Variants in GPC5 observed in about 807,000 individuals in gnomAD.
GPC5 encodes glypican-5.
In GPC5, 47 loss-of-function variants were observed where a neutral mutation model predicts 53.9. The observed-to-expected ratio is 0.87, with a 90% CI of 0.69 to 1.11. The LOEUF (loss-of-function observed/expected upper bound fraction) is 1.11. GPC5 is among the 50% of genes most tolerant of loss of function. The pLI is 0.00. For synonymous variants in GPC5, 286 were observed against 263.3 expected (o/e 1.09, Z -0.84); for missense variants, 748 against 713.1 (o/e 1.05, Z -0.56).
At chr13:92,393,301 A>G (rs1307954751) in intron 7 of GPC5, among the ~76,000 whole-genome samples, 2 of 152,190 alleles carry the variant, frequency 1.3e-5, no homozygotes, top group African/African-American at 2.4e-5. Context: ...TAATACAGGA[A>G]CAGAAAACCA....
chr13:91,838,556 A>C lies in GPC5; in HGVS notation c.1281-69381A>C, dbSNP rs376469890. 2.0e-5 allele frequency among the ~76,000 whole-genome samples: 3 copies of C among 152,094 alleles called. No homozygotes were observed. In the South Asian group the frequency reaches 6.2e-4, roughly 32 times the overall value. ...AAATCAAGGAGAAAAGGGATGAGAG[A>C]AGAACCCAGGGTGCACAGAAGTAGA... is the stretch of plus-strand genomic sequence containing the variant. On this transcript the variant is annotated intron_variant, in intron 5 of 7. Transcript: ENST00000377067.
At chr13:92,479,605 C>T (rs1338771127) in intron 7 of GPC5, among the ~76,000 whole-genome samples, 5 of 152,138 alleles carry the variant, frequency 3.3e-5, no homozygotes, top group African/African-American at 1.2e-4. Flanking sequence ...CCTCCCTGTC[C>T]TCCACCTCCA....
At chr13:92,669,600 C>G (rs1428790989) in intron 7 of GPC5, among the ~76,000 whole-genome samples, 3 of 152,144 alleles carry the variant, frequency 2.0e-5, no homozygotes, top group Non-Finnish European at 4.4e-5. Flanking sequence ...TTTCCTCACA[C>G]CCTAAACCGA....
intron 2 of GPC5, among the ~76,000 whole-genome samples, chr13:91,671,151 G>T (rs1274634434): frequency 6.6e-6 from 1 of 152,094 alleles, no homozygotes; most frequent in Non-Finnish European, 1.5e-5. Flanking sequence ...ATTTGCCTTG[G>T]TTGATATAAT....
chr13:91,655,977 C>T (rs1277462714), intron 2 of GPC5, among the ~76,000 whole-genome samples: 9 of 152,036 alleles, frequency 5.9e-5, no homozygotes, highest in Admixed American at 2.0e-4. Context: ...ACAACAGAGG[C>T]GATGTGCGTA....
chr13:92,603,151 G>C (rs1412367311), intron 7 of GPC5, among the ~76,000 whole-genome samples: 4 of 152,132 alleles, frequency 2.6e-5, no homozygotes, highest in Non-Finnish European at 5.9e-5. Context: ...TGACATAATG[G>C]TATAGTATGG....
intron 7 of GPC5, among the ~76,000 whole-genome samples, chr13:92,432,574 G>A (rs1268542507): frequency 2.7e-5 from 4 of 149,774 alleles, no homozygotes; most frequent in African/African-American, 7.4e-5. Context: ...ACGTGATTTC[G>A]CTGTGTTAGC....
At chr13:91,795,360 T>C (rs2038030545) in intron 5 of GPC5, among the ~76,000 whole-genome samples, 2 of 152,166 alleles carry the variant, frequency 1.3e-5, no homozygotes, top group Admixed American at 1.3e-4. Context: ...AAGCAACAAT[T>C]CCCCTGACTT....
At chr13:92,278,812 A>G (rs1370376332) in intron 7 of GPC5, among the ~76,000 whole-genome samples, 1 of 151,824 alleles carries the variant, frequency 6.6e-6, no homozygotes, top group Admixed American at 6.6e-5. Flanking sequence ...TTGTCTTGAT[A>G]CTCTTGTCAA....
In GPC5 at chr13:91,639,494, C is replaced by T. The variant is rs868569286; in HGVS notation, c.326-53693C>T. Among the ~76,000 whole-genome samples the T allele has an allele frequency of 4.6e-5, 7 of 152,172 alleles. No individual in the cohort carries two copies. In the South Asian group the frequency reaches 8.3e-4, roughly 18 times the overall value. Reference sequence around the variant, plus strand: ...AGATATAGCTTGCTCATGCATTTATCGTAATTGACGTCAAAGAAGTGATAC... The same window carrying T: ...AGATATAGCTTGCTCATGCATTTATTGTAATTGACGTCAAAGAAGTGATAC... On this transcript the variant is annotated intron_variant, in intron 2 of 7. Coordinates refer to ENST00000377067, the MANE Select transcript of GPC5 (RefSeq NM_004466.6).
Position 92,369,143 on chromosome 13 carries a change from A to G in GPC5, c.1561+224154A>G, listed in dbSNP as rs150680659. Among the ~76,000 whole-genome samples, 4 of 152,362 alleles carry G rather than the reference A, an allele frequency of 2.6e-5. No homozygotes were observed. In the East Asian group the frequency reaches 7.7e-4, roughly 29 times the overall value. The stretch of plus-strand genomic sequence containing the variant: ...ACAGTTAAACATCAGCTGTGAATAT[A>G]TCATCAATGCACCTTTAGAACTGTA... On this transcript the variant is annotated intron_variant, in intron 7 of 7. Transcript: ENST00000377067.
intron 3 of GPC5, among the ~76,000 whole-genome samples, chr13:91,711,614 A>C (rs1205362610): frequency 2.0e-5 from 3 of 152,230 alleles, no homozygotes; most frequent in African/African-American, 7.2e-5. Flanking sequence ...ACTAATAAAA[A>C]AGAAATATTG....
At chr13:92,259,188 T>A (rs918820900) in intron 7 of GPC5, among the ~76,000 whole-genome samples, 3 of 152,198 alleles carry the variant, frequency 2.0e-5, no homozygotes, top group African/African-American at 7.2e-5. Flanking sequence ...GTAGGAACCA[T>A]TTACACTTGT....
chr13:91,809,896 CG>C (rs933963537), intron 5 of GPC5, among the ~76,000 whole-genome samples: 1 of 151,866 alleles, frequency 6.6e-6, no homozygotes, highest in African/African-American at 2.4e-5. Flanking sequence ...ATAGTTCATT[CG>C]TTTTTTTGAT....
chr13:92,366,970 C>T (rs917240326), intron 7 of GPC5, among the ~76,000 whole-genome samples: 2 of 152,100 alleles, frequency 1.3e-5, no homozygotes, highest in African/African-American at 2.4e-5. Context: ...ATTATTGTTA[C>T]CTAGGTTTAT....
intron 7 of GPC5, among the ~76,000 whole-genome samples, chr13:92,225,131 A>T (rs2042476113): frequency 6.6e-6 from 1 of 152,080 alleles, no homozygotes; most frequent in Non-Finnish European, 1.5e-5. Flanking sequence ...CCAGGATGAA[A>T]CCTTGCTCAA....
At chr13:92,712,254 C>T (rs1180496591) in intron 7 of GPC5, among the ~76,000 whole-genome samples, 1 of 151,798 alleles carries the variant, frequency 6.6e-6, no homozygotes, top group African/African-American at 2.4e-5. Flanking sequence ...TAAAGGAATA[C>T]AAGGAACAAT....
chr13:92,532,359 T>C (rs1881592776), intron 7 of GPC5, among the ~76,000 whole-genome samples: 1 of 152,196 alleles, frequency 6.6e-6, no homozygotes, highest in Non-Finnish European at 1.5e-5. Flanking sequence ...CAAGCTAATC[T>C]CATTGAACTT....
intron 7 of GPC5, among the ~76,000 whole-genome samples, chr13:92,618,697 A>T (rs1052245612): frequency 6.6e-6 from 1 of 151,648 alleles, no homozygotes; most frequent in African/African-American, 2.4e-5. Context: ...TAAAAAAAAA[A>T]AAAAAAAGCA....
Sources: gnomAD v4.1 joint callset for allele counts (sites outside exome capture counted in the v4.1 genomes callset) on GRCh38, gnomAD v4.1.1 for gene constraint, MANE v1.5 for transcripts, NCBI Gene and HGNC (gene_info 2026-07-23, HGNC 2026-07-21) for gene names.